KIT: variants seen among roughly 807,000 people sequenced by gnomAD.
KIT encodes the protein mast/stem cell growth factor receptor Kit.
Under a neutral mutation model 105.7 loss-of-function variants are expected in KIT, and 16 were observed. That is an observed-to-expected ratio of 0.15 (90% CI 0.10 to 0.23). The LOEUF is 0.23. KIT is among the 10% of genes least tolerant of loss of function. The probability of loss-of-function intolerance (pLI) is 1.00; values close to 1 mark genes in which losing one functional copy is unlikely to be tolerated. For missense variants in KIT, 858 were observed against 1,213.8 expected (o/e 0.71, Z 4.36); for synonymous variants, 438 against 441.1 (o/e 0.99, Z 0.09).
chr4:54,708,105 A>G (rs1720905727), intron 6 of KIT, among the ~76,000 whole-genome samples: 1 of 152,164 alleles, frequency 6.6e-6, no homozygotes, highest in South Asian at 2.1e-4. Context: ...TTGAGAGGGC[A>G]GGAGAGGCAG....
intron 5 of KIT, among the ~76,000 whole-genome samples, chr4:54,706,000 A>G (rs565071943): frequency 2.6e-5 from 4 of 152,340 alleles, no homozygotes; most frequent in African/African-American, 9.6e-5. Context: ...AAATAATGTT[A>G]GCAATTACTT....
At chr4:54,685,460 A>G (rs1332926903) in intron 1 of KIT, among the ~76,000 whole-genome samples, 1 of 152,174 alleles carries the variant, frequency 6.6e-6, no homozygotes, top group Non-Finnish European at 1.5e-5. Flanking sequence ...CTCACCTGGC[A>G]TAAAGCCACC....
Position 54,727,266 on chromosome 4 carries a change from T to C in KIT, c.1589T>C (p.Val530Ala). 1 of 1,614,210 alleles carries C rather than the reference T, an allele frequency of 6.2e-7. No homozygotes were observed. Among genetic ancestry groups the C allele is most frequent in the South Asian group, 1.1e-5 (1 of 91,088 alleles). The change falls in exon 10 of 21, where the codon GTA (valine) becomes GCA (alanine). Residue 530 changes from valine to alanine, a missense_variant. Transcript: ENST00000288135. ...TTCACTCCTTTGCTGATTGGTTTCGTAATCGTAGCTGGCATGATGTGCATT... is the reference window on the plus strand; with the variant it reads ...TTCACTCCTTTGCTGATTGGTTTCGCAATCGTAGCTGGCATGATGTGCATT... Reference protein sequence around the residue: ...TLFTPLLIGFVIVAGMMCIIV... With the variant: ...TLFTPLLIGFAIVAGMMCIIV...
intron 4 of KIT, among the ~76,000 whole-genome samples, chr4:54,702,150 T>G (rs1560398520): frequency 1.3e-5 from 2 of 152,174 alleles, no homozygotes; most frequent in Admixed American, 6.5e-5. Context: ...GTAAAAATAT[T>G]TGTAAAACCT....
intron 1 of KIT, among the ~76,000 whole-genome samples, chr4:54,681,467 C>G (rs1718912047): frequency 6.6e-6 from 1 of 152,062 alleles, no homozygotes; most frequent in Admixed American, 6.5e-5. Flanking sequence ...TAGTCTGTCT[C>G]TGAGATCAAA....
In KIT at chr4:54,723,608, A is replaced by G. The variant is rs1368874379; in HGVS notation, c.1256A>G (p.Asp419Gly). The change falls in exon 8 of 21, where the codon GAC (aspartate) becomes GGC (glycine). Residue 419 changes from aspartate (D) to glycine (G), a missense_variant. Coordinates refer to ENST00000288135, the MANE Select transcript of KIT (RefSeq NM_000222.3). ...GCAAAACCAGAAATCCTGACTTACG[A>G]CAGGCTCGTGAATGGCATGCTCCAA... ...VNTKPEILTY[D>G]RLVNGMLQCV... The G allele has an allele frequency of 5.0e-6, 8 of 1,614,004 alleles. 1 individual carries two copies. The South Asian group carries it at 8.8e-5, about 18-fold the overall frequency.
At chr4:54,698,252 T>C in intron 2 of KIT, 32 bp from the exon 3 acceptor site, 1 of 1,604,422 alleles carries the variant, frequency 6.2e-7, no homozygotes, top group Non-Finnish European at 8.5e-7. Flanking sequence ...GACCAGCCAT[T>C]CCAACTACTG....
chr4:54,699,466 T>C (rs952618251), intron 3 of KIT, among the ~76,000 whole-genome samples, 164 bp from the exon 4 acceptor site: 9 of 152,200 alleles, frequency 5.9e-5, no homozygotes, highest in African/African-American at 2.2e-4. Flanking sequence ...ATTTAATTGC[T>C]GGTACCTTCA....
At chr4:54,666,229 A>T (rs1717677137) in intron 1 of KIT, among the ~76,000 whole-genome samples, 1 of 152,192 alleles carries the variant, frequency 6.6e-6, no homozygotes. Context: ...AGAGTCATTT[A>T]AATTGCCCCA....
intron 1 of KIT, among the ~76,000 whole-genome samples, chr4:54,687,416 C>T (rs1183937158): frequency 6.6e-6 from 1 of 151,458 alleles, no homozygotes; most frequent in Non-Finnish European, 1.5e-5. Flanking sequence ...CCAGCCTGGG[C>T]GACGACAGAG....
At chr4:54,669,494 T>C (rs1014738085) in intron 1 of KIT, among the ~76,000 whole-genome samples, 1 of 152,216 alleles carries the variant, frequency 6.6e-6, no homozygotes, top group African/African-American at 2.4e-5. Flanking sequence ...TACTTAACAT[T>C]ACAGCTTTAT....
In KIT at chr4:54,718,702, A is replaced by AT. The variant is rs201599298; in HGVS notation, c.1232-4874dup. Among the ~76,000 whole-genome samples, 270 of 152,074 alleles carry AT rather than the reference A, an allele frequency of 1.8e-3. 9 individuals are homozygous for AT. In the East Asian group the frequency reaches 0.042, roughly 23 times the overall value. On this transcript the variant is annotated intron_variant, in intron 7 of 20. Coordinates refer to ENST00000288135, the MANE Select transcript of KIT (RefSeq NM_000222.3). ...AGAAAATCACTTCATTAAGAGAATG[A>AT]TTTTTTTTCTTTTTAAAATGACAGT...
At chr4:54,671,092 C>T (rs1336979151) in intron 1 of KIT, among the ~76,000 whole-genome samples, 1 of 152,202 alleles carries the variant, frequency 6.6e-6, no homozygotes, top group Non-Finnish European at 1.5e-5. Context: ...GGGTGAGGTG[C>T]CAGCAGAGAG....
Position 54,726,065 on chromosome 4 carries a change from A to G in KIT, c.1540+15A>G, listed in dbSNP as rs941782904. 3 of 1,603,000 alleles carry G rather than the reference A, an allele frequency of 1.9e-6. No individual in the cohort carries two copies. Among genetic ancestry groups the G allele is most frequent in the Non-Finnish European group, 2.6e-6 (3 of 1,169,986 alleles). Reference sequence around the variant, plus strand: ...TAACAACAAAGGTATATTTCTTTTTAATCCAATTTAAGGGGATGTTTAGGC... The same window carrying G: ...TAACAACAAAGGTATATTTCTTTTTGATCCAATTTAAGGGGATGTTTAGGC... On this transcript the variant is annotated intron_variant, in intron 9 of 20. Coordinates refer to ENST00000288135, the MANE Select transcript of KIT (RefSeq NM_000222.3).
Position 54,740,437 on chromosome 4 carries a change from A to AT in KIT, c.*1886dup, listed in dbSNP as rs1384002972. The AT allele has an allele frequency of 3.3e-4, 77 of 233,220 alleles. No homozygotes were observed. The highest frequency in any genetic ancestry group is 1.2e-3 in the Admixed American group (21 of 17,786). The allele number at this position is 233,220 out of a possible 1,614,324, so 14.4% of individuals were successfully genotyped here. On this transcript the variant is annotated 3_prime_UTR_variant, in exon 21 of 21. Coordinates refer to ENST00000288135, the MANE Select transcript of KIT (RefSeq NM_000222.3). ...ATTCTTGAAAGTTTATATTTTTATA[A>AT]TTTTTTCTTACATCAGATGTTTCTT...
intron 17 of KIT, 118 bp downstream of exon 17, chr4:54,733,310 T>C: frequency 8.3e-7 from 1 of 1,211,162 alleles, no homozygotes; most frequent in Non-Finnish European, 1.2e-6. Context: ...TCACACATTT[T>C]AGCAGTCAAA....
intron 14 of KIT, among the ~76,000 whole-genome samples, chr4:54,730,814 G>A (rs2109790523): frequency 6.6e-6 from 1 of 152,248 alleles, no homozygotes; most frequent in East Asian, 1.9e-4. Context: ...GTTGCAGATT[G>A]AAGAGGTCCA....
intron 7 of KIT, among the ~76,000 whole-genome samples, chr4:54,715,745 A>C (rs747615542): frequency 1.3e-5 from 2 of 152,188 alleles, no homozygotes; most frequent in Non-Finnish European, 2.9e-5. Context: ...GAAGGGGACA[A>C]ATATTCAAAC....
chr4:54,688,624 G>A (rs1719483842), intron 1 of KIT, among the ~76,000 whole-genome samples: 1 of 152,238 alleles, frequency 6.6e-6, no homozygotes, highest in South Asian at 2.1e-4. Context: ...CACTGCTGAA[G>A]TTGCCGGGGA....
Sources: gnomAD v4.1 joint callset for allele counts (sites outside exome capture counted in the v4.1 genomes callset) on GRCh38, gnomAD v4.1.1 for gene constraint, MANE v1.5 for transcripts, NCBI Gene and HGNC (gene_info 2026-07-23, HGNC 2026-07-21) for gene names.